The following CDC73 variants were observed in gnomAD, a reference collection of about 807,000 sequenced individuals.
CDC73 encodes the protein parafibromin.
In CDC73, 21 loss-of-function variants were observed where a neutral mutation model predicts 83.7. The observed-to-expected ratio is 0.25, with a 90% CI of 0.18 to 0.36. The LOEUF is 0.36. CDC73 is among the 10% of genes least tolerant of loss of function. The pLI is 1.00. For missense variants in CDC73, 342 were observed against 653.3 expected (o/e 0.52, Z 5.19); for synonymous variants, 224 against 212.9 (o/e 1.05, Z -0.45).
intron 6 of CDC73, among the ~76,000 whole-genome samples, chr1:193,139,750 G>A (rs888516844): frequency 6.6e-6 from 1 of 152,060 alleles, no homozygotes; most frequent in Non-Finnish European, 1.5e-5. Context: ...TTACTTTTGG[G>A]TCTTGATTTT....
intron 6 of CDC73, among the ~76,000 whole-genome samples, chr1:193,140,665 A>G (rs1159124520): frequency 6.6e-6 from 1 of 152,202 alleles, no homozygotes; most frequent in Non-Finnish European, 1.5e-5. Flanking sequence ...CAGTGTATAC[A>G]GTATGGATAC....
chr1:193,153,754 A>G (rs938083511), intron 10 of CDC73, among the ~76,000 whole-genome samples: 3 of 152,194 alleles, frequency 2.0e-5, no homozygotes, highest in East Asian at 1.9e-4. Context: ...AATTCATTCA[A>G]CAAGTACTTA....
chr1:193,207,594 C>T lies in CDC73; in HGVS notation c.1030+3742C>T, dbSNP rs575445891. Among the ~76,000 whole-genome samples the T allele has an allele frequency of 9.9e-5, 15 of 152,276 alleles. No individual in the cohort carries two copies. In the South Asian group the frequency reaches 1.5e-3, roughly 15 times the overall value. On this transcript the variant is annotated intron_variant, in intron 11 of 16. Coordinates refer to ENST00000367435, the MANE Select transcript of CDC73 (RefSeq NM_024529.5). ...AAAGAATTCAGCGATATCTCTCTTACTTGCATGCCCATTTTTAGGCTCTCT... is the reference window on the plus strand; with the variant it reads ...AAAGAATTCAGCGATATCTCTCTTATTTGCATGCCCATTTTTAGGCTCTCT...
rs148642911 is a variant in CDC73 at position 193,159,712 on chromosome 1, T to A, written c.972+7268T>A. Among the ~76,000 whole-genome samples, 1,444 of 152,340 alleles carry A rather than the reference T, an allele frequency of 9.5e-3. 23 individuals carry two copies. Among genetic ancestry groups the A allele is most frequent in the African/African-American group, 0.033 (1,392 of 41,576 alleles). ...TATGGAATTAATTGTAGTTATTGCA[T>A]AAATGTTTTTATATTAAACATATAT... is the stretch of plus-strand genomic sequence containing the variant. On this transcript the variant is annotated intron_variant, in intron 10 of 16. Coordinates refer to ENST00000367435, the MANE Select transcript of CDC73 (RefSeq NM_024529.5).
intron 10 of CDC73, among the ~76,000 whole-genome samples, chr1:193,191,532 C>T (rs1344673888): frequency 1.3e-5 from 2 of 152,046 alleles, no homozygotes; most frequent in Non-Finnish European, 2.9e-5. Flanking sequence ...GGATTACAGG[C>T]GTGTGCCACC....
intron 1 of CDC73, among the ~76,000 whole-genome samples, chr1:193,123,492 G>T (rs1353611842): frequency 1.3e-5 from 2 of 152,194 alleles, no homozygotes; most frequent in Non-Finnish European, 2.9e-5. Flanking sequence ...TTCCCAAAGT[G>T]CTTGGATTAC....
chr1:193,245,321 C>T (rs1677935197), intron 15 of CDC73, among the ~76,000 whole-genome samples: 1 of 152,136 alleles, frequency 6.6e-6, no homozygotes, highest in Non-Finnish European at 1.5e-5. Context: ...GCACTTTTTA[C>T]TTCTATGAGT....
intron 10 of CDC73, among the ~76,000 whole-genome samples, chr1:193,167,161 G>T (rs1186999084): frequency 1.3e-5 from 2 of 152,138 alleles, no homozygotes; most frequent in Admixed American, 1.3e-4. Flanking sequence ...TTCTTAGATG[G>T]ACTAAATTTG....
At chr1:193,243,727 T>C (rs372780469) in intron 15 of CDC73, among the ~76,000 whole-genome samples, 77 of 152,320 alleles carry the variant, frequency 5.1e-4, no homozygotes, top group African/African-American at 1.7e-3. Context: ...AAAGTAAGTT[T>C]CTTGAATGTT....
intron 10 of CDC73, among the ~76,000 whole-genome samples, chr1:193,188,104 A>G (rs1380391451): frequency 1.3e-5 from 2 of 152,172 alleles, no homozygotes; most frequent in Non-Finnish European, 2.9e-5. Flanking sequence ...TTTACATAGG[A>G]TTTGACTATG....
At chr1:193,239,719 G>C (rs942469745) in intron 15 of CDC73, among the ~76,000 whole-genome samples, 36 of 152,032 alleles carry the variant, frequency 2.4e-4, no homozygotes, top group Admixed American at 5.9e-4. Flanking sequence ...GTATCACCTT[G>C]AGTGTTTATT....
chr1:193,224,370 A>G (rs1446690410), intron 13 of CDC73, among the ~76,000 whole-genome samples: 5 of 151,868 alleles, frequency 3.3e-5, no homozygotes, highest in African/African-American at 1.2e-4. Flanking sequence ...ATATGCATTC[A>G]CATATACACA....
At chr1:193,243,910 A>G (rs1677905355) in intron 15 of CDC73, among the ~76,000 whole-genome samples, 1 of 152,212 alleles carries the variant, frequency 6.6e-6, no homozygotes, top group South Asian at 2.1e-4. Flanking sequence ...AGTTGTTAAC[A>G]TCAAAAGCCA....
rs150081248 is a variant in CDC73 at position 193,147,492 on chromosome 1, C to G, written c.730-375C>G. On this transcript the variant is annotated intron_variant, in intron 7 of 16. Coordinates refer to ENST00000367435, the MANE Select transcript of CDC73 (RefSeq NM_024529.5). ...ACACCATATTCCTGCCTCAGCCTCC[C>G]GAGTAGCTGGGACTACAGGCACCTG... Among the ~76,000 whole-genome samples, 1,442 of 151,808 alleles carry G rather than the reference C, an allele frequency of 9.5e-3. 15 individuals are homozygous for G. Among genetic ancestry groups the G allele is most frequent in the South Asian group, 0.034 (164 of 4,804 alleles).
intron 10 of CDC73, among the ~76,000 whole-genome samples, chr1:193,172,529 G>A (rs1293356790): frequency 1.3e-5 from 2 of 152,100 alleles, no homozygotes; most frequent in African/African-American, 4.8e-5. Context: ...AGATCCGAGA[G>A]ATGGATAGTT....
intron 15 of CDC73, 99 bp from the exon 16 acceptor site, chr1:193,249,631 C>T (rs1678012012): frequency 1.1e-6 from 1 of 876,540 alleles, no homozygotes. Context: ...TAAAAGATCA[C>T]TTTAGTTATA....
intron 10 of CDC73, among the ~76,000 whole-genome samples, chr1:193,193,264 A>G (rs1243362575): frequency 6.6e-6 from 1 of 152,200 alleles, no homozygotes; most frequent in Non-Finnish European, 1.5e-5. Flanking sequence ...GCAAGCTACA[A>G]GGGGTTGTGA....
intron 13 of CDC73, among the ~76,000 whole-genome samples, chr1:193,221,895 C>T (rs941482037): frequency 1.3e-5 from 2 of 152,134 alleles, no homozygotes; most frequent in South Asian, 2.1e-4. Context: ...ATTGAAACCT[C>T]CTCCACACAA....
intron 13 of CDC73, among the ~76,000 whole-genome samples, chr1:193,226,192 T>C (rs1677564739): frequency 6.6e-6 from 1 of 152,138 alleles, no homozygotes; most frequent in South Asian, 2.1e-4. Context: ...TTCCCCACTT[T>C]ATGTTTTTGT....
Sources: allele counts gnomAD v4.1 joint callset (sites outside exome capture counted in the v4.1 genomes callset), GRCh38; gene constraint gnomAD v4.1.1; transcripts MANE v1.5; gene names NCBI Gene and HGNC (gene_info 2026-07-23, HGNC 2026-07-21).